NXPE3: variants seen among roughly 807,000 people sequenced by gnomAD.
NXPE3 encodes neurexophilin and PC-esterase domain family member 3.
In NXPE3, 26 loss-of-function variants were observed where a neutral mutation model predicts 46.1. That is an observed-to-expected ratio of 0.56 (90% CI 0.41 to 0.78). NXPE3 has a LOEUF of 0.78. Ranked by LOEUF, NXPE3 falls within the 30% of genes least tolerant of loss-of-function variation. NXPE3 has a pLI of 0.00. For missense variants in NXPE3, 620 were observed against 686.0 expected (o/e 0.90, Z 1.07); for synonymous variants, 272 against 257.9 (o/e 1.05, Z -0.52).
At chr3:101,780,912 C>T (rs1365933235) in intron 1 of NXPE3, among the ~76,000 whole-genome samples, 1 of 152,186 alleles carries the variant, frequency 6.6e-6, no homozygotes, top group Non-Finnish European at 1.5e-5. Context: ...ACAAGTCCTG[C>T]AGACTACTGC....
intron 4 of NXPE3, among the ~76,000 whole-genome samples, chr3:101,787,346 G>A (rs1317538656): frequency 6.6e-6 from 1 of 152,124 alleles, no homozygotes; most frequent in East Asian, 1.9e-4. Context: ...TCGCTCTGTT[G>A]CCCAGGCTGG....
intron 6 of NXPE3, among the ~76,000 whole-genome samples, chr3:101,812,194 G>T (rs896823240): frequency 6.6e-6 from 1 of 152,154 alleles, no homozygotes; most frequent in Non-Finnish European, 1.5e-5. Flanking sequence ...TAACAAATGG[G>T]ACAAAGCTAT....
rs918391521 is a variant in NXPE3, at chr3:101,826,368, G to A, written c.*4414G>A. ...CTCAGCATTATCTCTGTGGATTCTG[G>A]GTAAATTCAGCTTTTTAACATCAGC... is the stretch of plus-strand genomic sequence containing the variant. On this transcript the variant is annotated 3_prime_UTR_variant, in exon 8 of 8. Transcript: ENST00000273347. The A allele has an allele frequency of 6.6e-6, 1 of 151,924 alleles. No homozygotes were observed. The highest frequency in any genetic ancestry group is 2.4e-5 in the African/African-American group (1 of 41,344). The allele number at this position is 151,924 out of a possible 1,614,324, so 9.4% of individuals were successfully genotyped here.
intron 4 of NXPE3, among the ~76,000 whole-genome samples, chr3:101,789,960 C>T (rs544686517): frequency 9.5e-4 from 145 of 152,148 alleles, no homozygotes; most frequent in African/African-American, 2.3e-3. Flanking sequence ...CAAAGTGCTG[C>T]GAATACAGGT....
At position 101,826,700 on chromosome 3, in the gene NXPE3, CTA is replaced by C. The variant is rs1194521724; in HGVS notation, c.*4747_*4748del. On this transcript the variant is annotated 3_prime_UTR_variant, in exon 8 of 8. Transcript: ENST00000273347. ...GAAAATGTACTCCACCACCTTCTGT[CTA>C]ACTTGTCTCTTAAAAGTGCTTTTAC... 1 of 152,144 alleles carries C rather than the reference CTA, an allele frequency of 6.6e-6. No individual in the cohort carries two copies. Among genetic ancestry groups the C allele is most frequent in the East Asian group, 1.9e-4 (1 of 5,196 alleles). The allele number at this position is 152,144 out of a possible 1,614,324, so 9.4% of individuals were successfully genotyped here.
At chr3:101,783,824 C>G (rs1406303663) in intron 3 of NXPE3, among the ~76,000 whole-genome samples, 6 of 152,076 alleles carry the variant, frequency 3.9e-5, no homozygotes, top group Non-Finnish European at 5.9e-5. Flanking sequence ...CAGTTGGGAC[C>G]CTGATGACAG....
intron 7 of NXPE3, among the ~76,000 whole-genome samples, chr3:101,817,510 T>C (rs1384323463): frequency 2.0e-5 from 3 of 152,282 alleles, no homozygotes; most frequent in Non-Finnish European, 1.5e-5. Context: ...GGGCCTACCA[T>C]TGGTGTGACT....
chr3:101,805,163 T>C (rs902126576), intron 5 of NXPE3, among the ~76,000 whole-genome samples: 1 of 152,170 alleles, frequency 6.6e-6, no homozygotes, highest in Admixed American at 6.5e-5. Flanking sequence ...CCTAAGAAAA[T>C]GGACTTTCTC....
chr3:101,786,282 G>A (rs1361546647), intron 4 of NXPE3, among the ~76,000 whole-genome samples: 1 of 152,192 alleles, frequency 6.6e-6, no homozygotes, highest in Non-Finnish European at 1.5e-5. Flanking sequence ...TGGAGTTTCT[G>A]TATAAAGGAT....
Position 101,798,916 on chromosome 3 carries a change from A to G in NXPE3, c.94-2319A>G, listed in dbSNP as rs565127548. 8.6e-5 allele frequency among the ~76,000 whole-genome samples: 13 copies of G among 152,036 alleles called. No individual in the cohort carries two copies. In the East Asian group the frequency reaches 1.4e-3, roughly 16 times the overall value. On this transcript the variant is annotated intron_variant, in intron 4 of 7. Coordinates refer to ENST00000273347, the MANE Select transcript of NXPE3 (RefSeq NM_145037.4). ...ATTACAGGCGTGAGCCACTGTGCCC[A>G]GCCCAGTTTTAATTTATATTTATTT...
chr3:101,810,339 T>C (rs1941650206), intron 6 of NXPE3, among the ~76,000 whole-genome samples: 1 of 152,234 alleles, frequency 6.6e-6, no homozygotes. Context: ...CTTGATCTAA[T>C]AGCAACAGTA....
intron 4 of NXPE3, among the ~76,000 whole-genome samples, chr3:101,795,575 C>T (rs1200272624): frequency 6.6e-6 from 1 of 150,792 alleles, no homozygotes. Flanking sequence ...CAATATCTAG[C>T]AAAAGATTGG....
In NXPE3 at chr3:101,785,531, A is replaced by T. The variant is rs1576724982; in HGVS notation, c.-66A>T. 3 of 1,403,084 alleles carry T rather than the reference A, an allele frequency of 2.1e-6. No individual in the cohort carries two copies. The East Asian group carries it at 6.8e-5, about 32-fold the overall frequency. 86.9% of individuals were successfully genotyped at this position (1,403,084 alleles called of 1,614,324 possible). On this transcript the variant is annotated 5_prime_UTR_variant, in exon 4 of 8. Coordinates refer to ENST00000273347, the MANE Select transcript of NXPE3 (RefSeq NM_145037.4). ...TCATCTGCAGCTCAGAAAAGCAAAG[A>T]CATGGAATTTTAAAGAGTGAAGGTA...
chr3:101,817,107 T>C, intron 7 of NXPE3, 106 bp downstream of exon 7: 1 of 994,118 alleles, frequency 1.0e-6, no homozygotes, highest in Non-Finnish European at 1.6e-6. Context: ...GAAACATATA[T>C]TTCTGTGTAG....
chr3:101,817,857 T>G (rs2107349346), intron 7 of NXPE3, among the ~76,000 whole-genome samples: 1 of 152,272 alleles, frequency 6.6e-6, no homozygotes, highest in East Asian at 1.9e-4. Flanking sequence ...GTGATTGTTT[T>G]TATCAGCCTT....
In NXPE3 at chr3:101,801,750, T is replaced by C. The variant is rs1941167013; in HGVS notation, c.609T>C (p.Asp203=). 3 of 1,614,092 alleles carry C rather than the reference T, an allele frequency of 1.9e-6. No homozygotes were observed. The highest frequency in any genetic ancestry group is 2.5e-6 in the Non-Finnish European group (3 of 1,180,040). Reference sequence around the variant, plus strand: ...GAGTTCTTCAGCGCTTACAGGAAGATAAACCAGACAGGGTCTATTTCAAGA... The same window carrying C: ...GAGTTCTTCAGCGCTTACAGGAAGACAAACCAGACAGGGTCTATTTCAAGA... ...GIRVLQRLQE[D]KPDRVYFKSL... is the part of the protein sequence containing the mutation. Residue 203 remains aspartate, a synonymous_variant, in exon 5 of 8, where the codon GAT becomes GAC. Coordinates refer to ENST00000273347, the MANE Select transcript of NXPE3 (RefSeq NM_145037.4).
rs114774675 is a variant in NXPE3, at chr3:101,795,603, T to C, written c.94-5632T>C. On this transcript the variant is annotated intron_variant, in intron 4 of 7. Coordinates refer to ENST00000273347, the MANE Select transcript of NXPE3 (RefSeq NM_145037.4). ...AAGATTGGAGGGAGAATTGCAGTCT[T>C]TTATTTCTCCGATAAACTCTCATTG... Among the ~76,000 whole-genome samples the C allele has an allele frequency of 7.8e-3, 1,195 of 152,268 alleles. 11 individuals carry two copies. Among genetic ancestry groups the C allele is most frequent in the Non-Finnish European group, 0.012 (817 of 68,006 alleles).
intron 5 of NXPE3, among the ~76,000 whole-genome samples, chr3:101,805,580 T>G (rs997604761): frequency 2.0e-5 from 3 of 151,994 alleles, no homozygotes; most frequent in Non-Finnish European, 4.4e-5. Context: ...CTGGGAGTAC[T>G]AGGCACGCAC....
At chr3:101,795,987 G>A (rs886807734) in intron 4 of NXPE3, among the ~76,000 whole-genome samples, 7 of 152,216 alleles carry the variant, frequency 4.6e-5, no homozygotes, top group Non-Finnish European at 7.3e-5. Flanking sequence ...TCAAGGTACT[G>A]TGTTTTTTCA....
Sources: allele counts gnomAD v4.1 joint callset (sites outside exome capture counted in the v4.1 genomes callset), GRCh38; gene constraint gnomAD v4.1.1; transcripts MANE v1.5; gene names NCBI Gene and HGNC (gene_info 2026-07-23, HGNC 2026-07-21).